Variants in TMEM178B observed in about 807,000 individuals in gnomAD.
TMEM178B encodes transmembrane protein 178B.
A neutral mutation model predicts 31.0 loss-of-function variants in TMEM178B; 5 were observed. The ratio of observed to expected loss-of-function variants is 0.16; its 90% CI spans 0.08 to 0.34. The LOEUF (loss-of-function observed/expected upper bound fraction) is 0.34, where lower values mean the gene tolerates loss of function less well. Ranked by LOEUF, TMEM178B falls within the 10% of genes least tolerant of loss-of-function variation. The pLI, the probability that TMEM178B is intolerant of heterozygous loss-of-function variation, is 1.00. For synonymous variants in TMEM178B, 164 were observed against 164.0 expected, an observed-to-expected ratio of 1.00 and a Z score of 0.00; for missense variants, 275 against 400.3, an observed-to-expected ratio of 0.69 and a Z score of 2.67.
chr7:141,147,368 C>T lies in TMEM178B; in HGVS notation c.383-65223C>T, dbSNP rs147575721. On this transcript the variant is annotated intron_variant, in intron 1 of 3. Coordinates refer to ENST00000565468, the MANE Select transcript of TMEM178B (RefSeq NM_001195278.2). ...CTGGGTGGTAGGGGTGGGAGGCAGGCAAGGAGAGCCTTGTAAGCCGTGTTT... is the reference window on the plus strand; with the variant it reads ...CTGGGTGGTAGGGGTGGGAGGCAGGTAAGGAGAGCCTTGTAAGCCGTGTTT... Among the ~76,000 whole-genome samples the T allele has an allele frequency of 3.8e-3, 584 of 151,986 alleles. 5 individuals carry two copies. The highest frequency in any genetic ancestry group is 0.011 in the African/African-American group (454 of 41,466).
At position 141,471,108 on chromosome 7, in the gene TMEM178B, C is replaced by G. The variant is rs985118875; in HGVS notation, c.*322C>G. ...AAGGGACAGTGGAAGGGGTCTGAGG[C>G]AGCACAGATGTAGAGAAGGAAGTGC... On this transcript the variant is annotated 3_prime_UTR_variant, in exon 4 of 4. Coordinates refer to ENST00000565468, the MANE Select transcript of TMEM178B (RefSeq NM_001195278.2). The surrounding 1 kb of genome is among the most constrained non-coding windows in gnomAD (Gnocchi z 4.1). The G allele has an allele frequency of 6.6e-6, 1 of 152,436 alleles. No homozygotes were observed. Among genetic ancestry groups the G allele is most frequent in the Non-Finnish European group, 1.5e-5 (1 of 68,284 alleles). The allele number at this position is 152,436 out of a possible 1,614,324, so 9.4% of individuals were successfully genotyped here.
intron 2 of TMEM178B, among the ~76,000 whole-genome samples, chr7:141,213,299 G>A (rs1352457471): frequency 6.6e-6 from 1 of 152,188 alleles, no homozygotes; most frequent in African/African-American, 2.4e-5. Context: ...GGCATTTCTT[G>A]GCCAGGGATC....
chr7:141,398,153 C>G (rs1586934247), intron 2 of TMEM178B, among the ~76,000 whole-genome samples: 1 of 152,120 alleles, frequency 6.6e-6, no homozygotes, highest in East Asian at 1.9e-4. Context: ...AGGATTTGAC[C>G]AGGGTTAAGG....
At chr7:141,146,012 T>C (rs1795844511) in intron 1 of TMEM178B, among the ~76,000 whole-genome samples, 3 of 152,234 alleles carry the variant, frequency 2.0e-5, no homozygotes, top group African/African-American at 7.2e-5. Flanking sequence ...TTCTTATTTG[T>C]TGAGTGCTTA....
chr7:141,453,668 A>G (rs1801907448), intron 3 of TMEM178B, among the ~76,000 whole-genome samples: 1 of 152,240 alleles, frequency 6.6e-6, no homozygotes, highest in Non-Finnish European at 1.5e-5. Flanking sequence ...GAGGCCTCAC[A>G]GGGGAGCTAA....
At chr7:141,301,136 G>T (rs922779865) in intron 2 of TMEM178B, among the ~76,000 whole-genome samples, 1 of 152,182 alleles carries the variant, frequency 6.6e-6, no homozygotes. Context: ...TAGAAAGAAT[G>T]CTCCACCACC....
intron 2 of TMEM178B, among the ~76,000 whole-genome samples, chr7:141,316,565 T>G (rs1799008936): frequency 6.6e-6 from 1 of 151,984 alleles, no homozygotes; most frequent in African/African-American, 2.4e-5. Flanking sequence ...TGTGTGTGTG[T>G]GTGTCATCCA....
intron 2 of TMEM178B, among the ~76,000 whole-genome samples, chr7:141,283,118 A>G (rs575691408): frequency 6.6e-6 from 1 of 152,308 alleles, no homozygotes; most frequent in East Asian, 1.9e-4. Context: ...GGATGTCACC[A>G]TCCCAACTGG....
intron 2 of TMEM178B, among the ~76,000 whole-genome samples, chr7:141,404,532 T>G (rs1426815960): frequency 6.6e-6 from 1 of 152,160 alleles, no homozygotes; most frequent in Non-Finnish European, 1.5e-5. Context: ...CACGTGATCC[T>G]CTTCCCTGAG....
chr7:141,283,383 G>A (rs1798396184), intron 2 of TMEM178B, among the ~76,000 whole-genome samples: 2 of 152,166 alleles, frequency 1.3e-5, no homozygotes, highest in Admixed American at 6.5e-5. Context: ...GGAAGCAGAC[G>A]GTGAATTTCA....
intron 2 of TMEM178B, among the ~76,000 whole-genome samples, chr7:141,218,380 G>A: frequency 6.6e-6 from 1 of 152,130 alleles, no homozygotes; most frequent in East Asian, 1.9e-4. Flanking sequence ...TTGTGGATGA[G>A]CAGGGACATT....
the TMEM178B span, among the ~76,000 whole-genome samples, chr7:141,499,277 G>C: frequency 6.6e-6 from 1 of 152,020 alleles, no homozygotes; most frequent in African/African-American, 2.4e-5. Flanking sequence ...TATGAAGGGG[G>C]TGACTCTTAT....
chr7:141,144,479 T>G (rs905655291), intron 1 of TMEM178B, among the ~76,000 whole-genome samples: 3 of 152,168 alleles, frequency 2.0e-5, no homozygotes, highest in African/African-American at 7.2e-5. Flanking sequence ...CTGTTGAAGG[T>G]AACATTTTGG....
At chr7:141,210,422 C>T (rs1159318329) in intron 1 of TMEM178B, among the ~76,000 whole-genome samples, 2 of 152,116 alleles carry the variant, frequency 1.3e-5, no homozygotes, top group African/African-American at 4.8e-5. Context: ...GAGATCGCGC[C>T]ATTGCACTCC....
At chr7:141,380,176 A>G (rs966911181) in intron 2 of TMEM178B, among the ~76,000 whole-genome samples, 7 of 152,176 alleles carry the variant, frequency 4.6e-5, no homozygotes, top group African/African-American at 1.4e-4. Context: ...GTCCCCACAC[A>G]TTGGTGCTGA....
chr7:141,390,654 C>T (rs1450089054), intron 2 of TMEM178B, among the ~76,000 whole-genome samples: 1 of 152,238 alleles, frequency 6.6e-6, no homozygotes, highest in Non-Finnish European at 1.5e-5. Context: ...TCTGACACGA[C>T]ATGTGATTAG....
intron 1 of TMEM178B, among the ~76,000 whole-genome samples, chr7:141,093,675 T>A (rs1794913946): frequency 6.6e-6 from 1 of 152,208 alleles, no homozygotes; most frequent in South Asian, 2.1e-4. Context: ...TGAGTTGGAA[T>A]CTGCAAAAGA....
intron 3 of TMEM178B, among the ~76,000 whole-genome samples, chr7:141,456,583 A>G (rs1801968723): frequency 6.6e-6 from 1 of 152,192 alleles, no homozygotes; most frequent in Non-Finnish European, 1.5e-5. Flanking sequence ...AAAGCCTTGC[A>G]TGGTACCTAG....
At position 141,156,514 on chromosome 7, in the gene TMEM178B, A is replaced by G. The variant is rs1796072400; in HGVS notation, c.383-56077A>G. 3.3e-5 allele frequency among the ~76,000 whole-genome samples: 5 copies of G among 152,224 alleles called. 1 individual carries two copies. In the South Asian group the frequency reaches 1.0e-3, roughly 32 times the overall value. Reference sequence around the variant, plus strand: ...AAAACGTCAGCCACATTTCTTAGGTACAAAAGATGGACACCTTGAAAGATG... The same window carrying G: ...AAAACGTCAGCCACATTTCTTAGGTGCAAAAGATGGACACCTTGAAAGATG... On this transcript the variant is annotated intron_variant, in intron 1 of 3. Transcript: ENST00000565468.
Sources: allele counts gnomAD v4.1 joint callset (sites outside exome capture counted in the v4.1 genomes callset), GRCh38; gene constraint gnomAD v4.1.1; non-coding constraint Gnocchi (gnomAD v3.1); transcripts MANE v1.5; gene names NCBI Gene and HGNC (gene_info 2026-07-23, HGNC 2026-07-21).